Variants in PHTF1 observed in about 807,000 individuals in gnomAD.
The protein encoded by PHTF1 is protein PHTF1.
Under a neutral mutation model 102.4 loss-of-function variants are expected in PHTF1, and 88 were observed. The ratio of observed to expected loss-of-function variants is 0.86; its 90% CI spans 0.72 to 1.03. PHTF1 has a LOEUF of 1.03. PHTF1 is among the 50% of genes least tolerant of loss of function. The pLI is 0.00. For synonymous variants in PHTF1, 289 were observed against 305.2 expected, an observed-to-expected ratio of 0.95 and a Z score of 0.55; for missense variants, 814 against 909.5, an observed-to-expected ratio of 0.89 and a Z score of 1.35.
At chr1:113,719,532 C>T (rs1004304466) in intron 7 of PHTF1, among the ~76,000 whole-genome samples, 1 of 152,188 alleles carries the variant, frequency 6.6e-6, no homozygotes, top group Non-Finnish European at 1.5e-5. Flanking sequence ...TAAAACATAA[C>T]AAGAGTCACC....
intron 5 of PHTF1, among the ~76,000 whole-genome samples, chr1:113,735,402 T>TATACA (rs1206078065): frequency 2.4e-5 from 3 of 125,626 alleles, no homozygotes; most frequent in African/African-American, 8.9e-5. Flanking sequence ...AAAAGGCAGC[T>TATACA]ATACAAAGAT....
intron 3 of PHTF1, among the ~76,000 whole-genome samples, chr1:113,755,845 G>C: frequency 6.6e-6 from 1 of 151,950 alleles, no homozygotes; most frequent in Non-Finnish European, 1.5e-5. Context: ...TGGATCACGA[G>C]GTCAGGAGAT....
At chr1:113,730,258 T>TA (rs892490270) in intron 5 of PHTF1, among the ~76,000 whole-genome samples, 7 of 151,208 alleles carry the variant, frequency 4.6e-5, no homozygotes, top group East Asian at 3.9e-4. Context: ...AGCATTGTAT[T>TA]AAAAAAAAAC....
chr1:113,759,650 G>A (rs1040830330), upstream of PHTF1, among the ~76,000 whole-genome samples: 2 of 152,246 alleles, frequency 1.3e-5, no homozygotes, highest in African/African-American at 4.8e-5. Flanking sequence ...GCGGCATATC[G>A]ATGGCCAAGA....
At chr1:113,699,225 A>G (rs979364359) in intron 17 of PHTF1, 1 of 223,454 alleles carries the variant, frequency 4.5e-6, no homozygotes, top group Non-Finnish European at 8.9e-6. Context: ...AAGGGTAGGT[A>G]GTGTGAGTGT....
intron 10 of PHTF1, among the ~76,000 whole-genome samples, chr1:113,711,124 C>A (rs2101168626): frequency 1.3e-5 from 2 of 152,224 alleles, no homozygotes; most frequent in African/African-American, 4.8e-5. Flanking sequence ...TTTTGACACA[C>A]ACAAAGTGAC....
At position 113,726,508 on chromosome 1, in the gene PHTF1, C is replaced by A; in HGVS notation, c.398G>T (p.Cys133Phe). ...VNISEVLGPL[C>F]LMLLMGTVHC... ...GACAGTTCCCATGAGTAGCATAAGG[C>A]ACAAGGGTCCAAGTACTTCACTTAT... The change falls in exon 6 of 19, where the codon TGC (cysteine) becomes TTC (phenylalanine). Residue 133 changes from cysteine to phenylalanine, a missense_variant. Cys to Phe is a radical substitution (Grantham distance 205, BLOSUM62 -2). Transcript: ENST00000369604. 1.2e-6 allele frequency: 2 copies of A among 1,608,690 alleles called. No individual in the cohort carries two copies. Among genetic ancestry groups the A allele is most frequent in the Non-Finnish European group, 1.7e-6 (2 of 1,175,842 alleles).
At chr1:113,736,780 C>CA (rs1264612414) in intron 5 of PHTF1, among the ~76,000 whole-genome samples, 4 of 151,788 alleles carry the variant, frequency 2.6e-5, no homozygotes, top group East Asian at 1.9e-4. Flanking sequence ...GTGTGAAGAA[C>CA]AAAAAAAGGA....
At chr1:113,726,726 C>G (rs1427230065) in intron 5 of PHTF1, 152 bp from the exon 6 acceptor site, 1 of 544,596 alleles carries the variant, frequency 1.8e-6, no homozygotes, top group Non-Finnish European at 3.1e-6. Flanking sequence ...TGCACATTAG[C>G]CAAGTGAAAA....
intron 6 of PHTF1, among the ~76,000 whole-genome samples, chr1:113,725,108 T>A (rs927202807): frequency 2.0e-5 from 3 of 152,176 alleles, no homozygotes; most frequent in African/African-American, 7.2e-5. Context: ...GTTCAGTCAT[T>A]AAAGAAATAG....
At chr1:113,721,809 C>A (rs539951838) in intron 7 of PHTF1, among the ~76,000 whole-genome samples, 3 of 152,170 alleles carry the variant, frequency 2.0e-5, no homozygotes, top group African/African-American at 7.2e-5. Flanking sequence ...GCTGTCTCAG[C>A]CTCCCAAGTA....
At chr1:113,700,655 G>A in intron 16 of PHTF1, 139 bp downstream of exon 16, 1 of 664,182 alleles carries the variant, frequency 1.5e-6, no homozygotes. Flanking sequence ...CAACTACAGA[G>A]CAGCAAACTG....
intron 11 of PHTF1, among the ~76,000 whole-genome samples, chr1:113,708,424 G>A (rs1015876491): frequency 6.6e-6 from 1 of 152,162 alleles, no homozygotes; most frequent in East Asian, 1.9e-4. Flanking sequence ...TCAGGAGTTC[G>A]AGACCAGCCT....
rs1370666755 is a variant in PHTF1 at position 113,697,284 on chromosome 1, C to T, written c.*421G>A. On this transcript the variant is annotated 3_prime_UTR_variant, in exon 19 of 19. Transcript: ENST00000369604. ...TCTCTTTGATAGAGAAATGAAATCT[C>T]CAGTTCTATAGACTATAATGGAAAA... 6.5e-6 allele frequency: 1 copy of T among 154,536 alleles called. No homozygotes were observed. The highest frequency in any genetic ancestry group is 2.4e-5 in the African/African-American group (1 of 41,446). The allele number at this position is 154,536 out of a possible 1,614,324, so 9.6% of individuals were successfully genotyped here. A position where few individuals can be genotyped will look rare whatever the true frequency, so the allele number is the denominator to read the frequency against.
Position 113,713,380 on chromosome 1 carries a change from A to G in PHTF1, c.682T>C (p.Cys228Arg). The change falls in exon 8 of 19, where the codon TGT becomes CGT. Residue 228 changes from cysteine to arginine, a missense_variant. Cys to Arg is a radical substitution (Grantham distance 180). Coordinates refer to ENST00000369604, the MANE Select transcript of PHTF1 (RefSeq NM_001323043.2). Reference protein sequence around the residue: ...KGTETDNDPSCVHPIIKRRQC... With the variant: ...KGTETDNDPSRVHPIIKRRQC... ...CTCCTCTTAATGATAGGATGGACAC[A>G]ACTTGGGTCATTGTCAGTTTCAGTC... is the stretch of plus-strand genomic sequence containing the variant. 1 of 1,601,436 alleles carries G rather than the reference A, an allele frequency of 6.2e-7. No homozygotes were observed. The highest frequency in any genetic ancestry group is 8.6e-7 in the Non-Finnish European group (1 of 1,168,494).
At chr1:113,746,232 TATC>T in intron 3 of PHTF1, among the ~76,000 whole-genome samples, 2 of 152,332 alleles carry the variant, frequency 1.3e-5, no homozygotes, top group Non-Finnish European at 2.9e-5. Flanking sequence ...ATTTAGCAGG[TATC>T]ATCCAGAAGT....
intron 14 of PHTF1, among the ~76,000 whole-genome samples, 191 bp downstream of exon 14, chr1:113,704,475 T>A (rs1248685038): frequency 6.6e-6 from 1 of 152,180 alleles, no homozygotes; most frequent in East Asian, 1.9e-4. Flanking sequence ...TTTCCCTTTC[T>A]AAGCTCTTCT....
intron 3 of PHTF1, among the ~76,000 whole-genome samples, chr1:113,752,438 C>T (rs1246626692): frequency 9.4e-6 from 1 of 106,312 alleles, no homozygotes; most frequent in Non-Finnish European, 1.7e-5. Flanking sequence ...CTCGTTCTGT[C>T]GTCCAGGCTG....
intron 3 of PHTF1, among the ~76,000 whole-genome samples, chr1:113,740,479 T>C (rs779313807): frequency 6.6e-6 from 1 of 152,220 alleles, no homozygotes; most frequent in African/African-American, 2.4e-5. Context: ...CCTTTTCAGA[T>C]GAAAAGTTTG....
Sources: allele counts gnomAD v4.1 joint callset (sites outside exome capture counted in the v4.1 genomes callset), GRCh38; gene constraint gnomAD v4.1.1; transcripts MANE v1.5; gene names NCBI Gene and HGNC (gene_info 2026-07-23, HGNC 2026-07-21).